Variants in RPSA2 observed in about 807,000 individuals in gnomAD.
RPSA2 encodes ribosomal protein SA 2.
the RPSA2 span, among the ~76,000 whole-genome samples, chr19:23,761,943 A>G: frequency 1.0e-4 from 1 of 9,942 alleles, no homozygotes; most frequent in African/African-American, 3.1e-4. Flanking sequence ...TTTGAGATGG[A>G]GTCTTGCTCT....
chr19:23,775,532 C>G, the RPSA2 span, among the ~76,000 whole-genome samples: 1 of 152,322 alleles, frequency 6.6e-6, no homozygotes, highest in South Asian at 2.1e-4. Context: ...AGTGTTCTAA[C>G]TAGGCTCAGT....
the RPSA2 span, chr19:23,758,598 A>T: frequency 8.4e-7 from 1 of 1,193,864 alleles, no homozygotes; most frequent in Non-Finnish European, 1.2e-6. Flanking sequence ...GCTGGCTGTC[A>T]GCGCAGCCGC....
At chr19:23,806,908 C>G in the RPSA2 span, among the ~76,000 whole-genome samples, 2 of 151,878 alleles carry the variant, frequency 1.3e-5, no homozygotes, top group South Asian at 4.2e-4. Context: ...CTTGGACTTT[C>G]CATATAACCG....
chr19:23,799,998 T>G, the RPSA2 span, among the ~76,000 whole-genome samples: 1 of 151,768 alleles, frequency 6.6e-6, no homozygotes, highest in Non-Finnish European at 1.5e-5. Context: ...CATTCAGATT[T>G]AATTGTGTAA....
At chr19:23,868,511 C>CAA in the RPSA2 span, among the ~76,000 whole-genome samples, 98 of 150,066 alleles carry the variant, frequency 6.5e-4, 1 homozygote, top group South Asian at 0.019. Context: ...GTTGAGAAAA[C>CAA]AAAAAAAAAG....
At chr19:23,785,933 T>C in the RPSA2 span, among the ~76,000 whole-genome samples, 1 of 152,120 alleles carries the variant, frequency 6.6e-6, no homozygotes, top group African/African-American at 2.4e-5. Flanking sequence ...GTACAGTGAG[T>C]GTCATTCCAG....
chr19:23,808,908 A>G, the RPSA2 span: 4 of 333,230 alleles, frequency 1.2e-5, no homozygotes, highest in Non-Finnish European at 2.3e-5. Context: ...CTGTGTTCAA[A>G]AGGAAATAGT....
At chr19:23,823,911 A>G in the RPSA2 span, 2 of 152,214 alleles carry the variant, frequency 1.3e-5, no homozygotes, top group African/African-American at 2.4e-5. Context: ...TCACACCTAA[A>G]GGCAAAGTAG....
chr19:23,782,278 T>A, the RPSA2 span: 1 of 152,206 alleles, frequency 6.6e-6, no homozygotes, highest in African/African-American at 2.4e-5. Context: ...ACATTTTTGT[T>A]TTTTTAAGGT....
At chr19:23,841,547 C>T in the RPSA2 span, among the ~76,000 whole-genome samples, 15 of 152,188 alleles carry the variant, frequency 9.9e-5, no homozygotes, top group Non-Finnish European at 2.9e-5. Context: ...CACATTTAAT[C>T]TGAAAGCTCC....
chr19:23,762,915 T>G, the RPSA2 span: 1 of 151,830 alleles, frequency 6.6e-6, no homozygotes, highest in Admixed American at 6.6e-5. Context: ...TCAGTGGCGC[T>G]GGCGCGGGAA....
chr19:23,808,944 A>G, the RPSA2 span: 1 of 278,232 alleles, frequency 3.6e-6, no homozygotes, highest in Non-Finnish European at 7.3e-6. Flanking sequence ...AATTTTTAAA[A>G]ATTATACTCT....
At chr19:23,831,441 A>G in the RPSA2 span, among the ~76,000 whole-genome samples, 1 of 152,138 alleles carries the variant, frequency 6.6e-6, no homozygotes, top group Admixed American at 6.5e-5. Flanking sequence ...TATTTTAGTT[A>G]CATTTATATA....
At chr19:23,761,909 T>C in the RPSA2 span, among the ~76,000 whole-genome samples, 6,985 of 36,180 alleles carry the variant, frequency 0.19, 478 homozygotes, top group Non-Finnish European at 0.23. Flanking sequence ...TAATTCTTTC[T>C]TTCTTTCTTT....
the RPSA2 span, among the ~76,000 whole-genome samples, chr19:23,829,900 A>AT: frequency 1.3e-4 from 20 of 152,084 alleles, no homozygotes; most frequent in Non-Finnish European, 2.6e-4. Context: ...GAATTTGCAT[A>AT]TTTTTTCTAG....
At chr19:23,866,989 C>T in the RPSA2 span, among the ~76,000 whole-genome samples, 1 of 152,062 alleles carries the variant, frequency 6.6e-6, no homozygotes, top group African/African-American at 2.4e-5. Context: ...TGTTTTTGAA[C>T]CAGGGGAATA....
chr19:23,863,933 C>A, the RPSA2 span, among the ~76,000 whole-genome samples: 1 of 152,198 alleles, frequency 6.6e-6, no homozygotes, highest in Non-Finnish European at 1.5e-5. Context: ...AAGCAAGCTT[C>A]AGAACACACA....
chr19:23,843,876 C>T, the RPSA2 span, among the ~76,000 whole-genome samples: 2 of 152,288 alleles, frequency 1.3e-5, no homozygotes, highest in Admixed American at 1.3e-4. Flanking sequence ...TCTCCCGCCG[C>T]AGCCTTCTGA....
the RPSA2 span, among the ~76,000 whole-genome samples, chr19:23,805,618 A>G: frequency 2.0e-5 from 3 of 152,198 alleles, no homozygotes; most frequent in African/African-American, 7.2e-5. Flanking sequence ...TGCAGGTATA[A>G]TTAGTCCAGA....
Sources: allele counts gnomAD v4.1 joint callset (sites outside exome capture counted in the v4.1 genomes callset), GRCh38; gene constraint gnomAD v4.1.1; transcripts MANE v1.5; gene names NCBI Gene and HGNC (gene_info 2026-07-23, HGNC 2026-07-21).